TAFA2: variants seen among roughly 807,000 people sequenced by gnomAD.
The protein encoded by TAFA2 is TAFA chemokine like family member 2.
TAFA2 carries 7 observed loss-of-function variants against 18.8 expected under a neutral mutation model. The observed-to-expected ratio is 0.37, with a 90% CI of 0.21 to 0.70. TAFA2 has a LOEUF of 0.70. Ranked by LOEUF, TAFA2 falls within the 30% of genes least tolerant of loss-of-function variation. The pLI is 0.53. For missense variants in TAFA2, 122 were observed against 158.1 expected (o/e 0.77, Z 1.23); for synonymous variants, 60 against 54.2 (o/e 1.11, Z -0.47).
At chr12:62,042,719 C>T (rs1881797604) in intron 1 of TAFA2, among the ~76,000 whole-genome samples, 1 of 152,014 alleles carries the variant, frequency 6.6e-6, no homozygotes, top group Non-Finnish European at 1.5e-5. Context: ...ATAATGTGCC[C>T]TCCATATCAT....
At chr12:61,807,008 G>A (rs549758611) in intron 2 of TAFA2, among the ~76,000 whole-genome samples, 4 of 152,032 alleles carry the variant, frequency 2.6e-5, no homozygotes, top group African/African-American at 9.7e-5. Flanking sequence ...CATTCTCTGA[G>A]GAGAAATTCA....
intron 2 of TAFA2, among the ~76,000 whole-genome samples, chr12:61,859,783 G>A (rs1030189763): frequency 6.6e-6 from 1 of 152,158 alleles, no homozygotes; most frequent in Non-Finnish European, 1.5e-5. Flanking sequence ...AAGAAGTTGG[G>A]AAAGAGATAC....
At chr12:62,097,205 T>C (rs1868989284) in intron 1 of TAFA2, among the ~76,000 whole-genome samples, 1 of 152,150 alleles carries the variant, frequency 6.6e-6, no homozygotes, top group African/African-American at 2.4e-5. Context: ...AGTAGACAGA[T>C]GTTAAACAAA....
intron 1 of TAFA2, among the ~76,000 whole-genome samples, chr12:62,068,196 A>G (rs1365744867): frequency 2.0e-5 from 3 of 152,116 alleles, no homozygotes; most frequent in Non-Finnish European, 2.9e-5. Flanking sequence ...TCTATTTTTT[A>G]AATACAGGAA....
At chr12:62,049,771 T>C (rs1882002351) in intron 1 of TAFA2, among the ~76,000 whole-genome samples, 1 of 152,136 alleles carries the variant, frequency 6.6e-6, no homozygotes, top group Admixed American at 6.5e-5. Flanking sequence ...TGTATGTATA[T>C]TATTAAGTTC....
intron 1 of TAFA2, among the ~76,000 whole-genome samples, chr12:62,181,799 T>C (rs1035703014): frequency 1.3e-5 from 2 of 152,226 alleles, no homozygotes; most frequent in African/African-American, 4.8e-5. Context: ...GAGAAAATCC[T>C]TCTAATATAT....
rs532508940 is a variant in TAFA2 at position 62,214,939 on chromosome 12, ACTATCTTTAAAGGCTC to A, written c.-130+43808_-130+43823del. Among the ~76,000 whole-genome samples the A allele has an allele frequency of 2.0e-5, 3 of 152,306 alleles. No homozygotes were observed. In the South Asian group the frequency reaches 6.2e-4, roughly 32 times the overall value. On this transcript the variant is annotated intron_variant, in intron 1 of 5. Coordinates refer to the TAFA2 transcript ENST00000551619. Reference sequence around the variant, plus strand: ...TAAGAAGGGATACCACTCTAGAGATACTATCTTTAAAGGCTCCATTTATTTTGATAACCATTTCTAC... The same window carrying A: ...TAAGAAGGGATACCACTCTAGAGATACATTTATTTTGATAACCATTTCTAC...
rs575585422 is a variant in TAFA2 at position 61,709,441 on chromosome 12, T to C, written c.*965A>G. ...CTTTTAAAATGAGATAGGACAGTTT[T>C]TTAAAAAATACTGGAAGAAATCTAA... On this transcript the variant is annotated 3_prime_UTR_variant, in exon 5 of 5. Coordinates refer to ENST00000416284, the MANE Select transcript of TAFA2 (RefSeq NM_178539.5). 3 of 152,186 alleles carry C rather than the reference T, an allele frequency of 2.0e-5. No homozygotes were observed. Among genetic ancestry groups the C allele is most frequent in the South Asian group, 4.1e-4 (2 of 4,820 alleles). 9.4% of individuals were successfully genotyped at this position (152,186 alleles called of 1,614,324 possible). A position where few individuals can be genotyped will look rare whatever the true frequency, so the allele number is the denominator to read the frequency against.
chr12:61,880,396 C>T (rs1471912239), intron 1 of TAFA2: 10 of 533,800 alleles, frequency 1.9e-5, no homozygotes, highest in East Asian at 5.2e-5. Flanking sequence ...AGCTGGAGGC[C>T]GCCCTGCAGT....
chr12:61,852,178 C>T (rs1398335517), intron 2 of TAFA2, among the ~76,000 whole-genome samples: 2 of 150,254 alleles, frequency 1.3e-5, no homozygotes, highest in East Asian at 2.0e-4. Flanking sequence ...TGCACTCCAG[C>T]CTGGGCAACA....
chr12:62,001,539 T>C (rs1880374957), intron 1 of TAFA2, among the ~76,000 whole-genome samples: 1 of 152,056 alleles, frequency 6.6e-6, no homozygotes, highest in African/African-American at 2.4e-5. Flanking sequence ...ACAACTTAGA[T>C]CCCTCACATG....
chr12:61,900,924 CAG>C (rs1876070574), intron 1 of TAFA2, among the ~76,000 whole-genome samples: 1 of 152,086 alleles, frequency 6.6e-6, no homozygotes, highest in Admixed American at 6.5e-5. Context: ...TTCAAGTAAG[CAG>C]ACAGTATTAT....
intron 1 of TAFA2, among the ~76,000 whole-genome samples, chr12:62,063,071 T>C (rs1208257987): frequency 6.6e-6 from 1 of 152,088 alleles, no homozygotes; most frequent in African/African-American, 2.4e-5. Flanking sequence ...TCAATACCCC[T>C]ACTCTTGATC....
chr12:61,836,731 T>TTATATATATATA (rs1872934106), intron 2 of TAFA2, among the ~76,000 whole-genome samples: 4 of 50,660 alleles, frequency 7.9e-5, no homozygotes, highest in Non-Finnish European at 1.3e-4. Flanking sequence ...GTTGCCAATT[T>TTATATATATATA]GATATATATA....
intron 2 of TAFA2, among the ~76,000 whole-genome samples, chr12:61,782,623 C>A (rs933824877): frequency 6.6e-6 from 1 of 151,732 alleles, no homozygotes; most frequent in African/African-American, 2.4e-5. Context: ...CCATTGTTCA[C>A]TCATAATTGT....
At chr12:62,155,459 T>C (rs1220655664) in intron 1 of TAFA2, among the ~76,000 whole-genome samples, 7 of 151,994 alleles carry the variant, frequency 4.6e-5, no homozygotes, top group African/African-American at 1.7e-4. Context: ...AAAATTCATA[T>C]AGAACCAAAA....
intron 4 of TAFA2, among the ~76,000 whole-genome samples, chr12:61,736,064 A>G (rs1409029695): frequency 1.3e-5 from 2 of 151,900 alleles, no homozygotes; most frequent in Non-Finnish European, 2.9e-5. Context: ...TATAATAGGA[A>G]ATAAGAGAGA....
intron 1 of TAFA2, among the ~76,000 whole-genome samples, chr12:62,116,951 G>T (rs1869988855): frequency 6.6e-6 from 1 of 152,092 alleles, no homozygotes; most frequent in South Asian, 2.1e-4. Flanking sequence ...CACCATGACT[G>T]GTATCCTTAA....
At chr12:61,840,986 C>A (rs1053702816) in intron 2 of TAFA2, among the ~76,000 whole-genome samples, 1 of 152,090 alleles carries the variant, frequency 6.6e-6, no homozygotes, top group Non-Finnish European at 1.5e-5. Context: ...CTAATACTGG[C>A]ACAAAGCCTA....
Sources: allele counts gnomAD v4.1 joint callset (sites outside exome capture counted in the v4.1 genomes callset), GRCh38; gene constraint gnomAD v4.1.1; transcripts MANE v1.5; gene names NCBI Gene and HGNC (gene_info 2026-07-23, HGNC 2026-07-21).